EGFR: variants seen among roughly 807,000 people sequenced by gnomAD.
EGFR encodes the protein epidermal growth factor receptor.
In EGFR, 58 loss-of-function variants were observed where a neutral mutation model predicts 143.0. The ratio of observed to expected loss-of-function variants is 0.41; its 90% confidence interval spans 0.33 to 0.50. The LOEUF is 0.50. Among genes scored for constraint, EGFR ranks in the 20% least tolerant of loss-of-function variants. The pLI, the probability that EGFR is intolerant of heterozygous loss-of-function variation, is 0.39. For missense variants in EGFR, 1,307 were observed against 1,579.0 expected (o/e 0.83, Z 2.92); for synonymous variants, 613 against 594.4 (o/e 1.03, Z -0.45).
At position 55,101,964 on chromosome 7, in the gene EGFR, C is replaced by A. The variant is rs528536364; in HGVS notation, c.89-40322C>A. ...GTGAGGGGAAGAGGTTGTGCTATGT[C>A]GGGAAACTCTGTATCGAAGCTCGGC... On this transcript the variant is annotated intron_variant, in intron 1 of 27. Transcript: ENST00000275493. 1.4e-4 allele frequency among the ~76,000 whole-genome samples: 22 copies of A among 152,270 alleles called. No individual in the cohort carries two copies. The East Asian group carries it at 3.9e-3, about 27-fold the overall frequency.
chr7:55,111,823 T>C (rs1478195953), intron 1 of EGFR, among the ~76,000 whole-genome samples: 1 of 152,254 alleles, frequency 6.6e-6, no homozygotes, highest in African/African-American at 2.4e-5. Flanking sequence ...TGCCAATTAA[T>C]GGAGACCTTT....
In EGFR at chr7:55,187,887, G is replaced by A. The variant is rs1787212321; in HGVS notation, c.2470-3832G>A. ...GGAGAACACCATCATTTGTACAGGG[G>A]GATCCTGGAAGATGAGGCCTGAGAA... is the stretch of plus-strand genomic sequence containing the variant. On this transcript the variant is annotated intron_variant, in intron 20 of 27. Transcript: ENST00000275493. Among the ~76,000 whole-genome samples, 6 of 152,242 alleles carry A rather than the reference G, an allele frequency of 3.9e-5. No individual in the cohort carries two copies. The South Asian group carries it at 1.2e-3, about 32-fold the overall frequency.
chr7:55,028,846 C>G (rs1463895553), intron 1 of EGFR, among the ~76,000 whole-genome samples: 2 of 152,158 alleles, frequency 1.3e-5, no homozygotes, highest in African/African-American at 4.8e-5. Flanking sequence ...TTGATTAAGT[C>G]CAAACATATG....
Position 55,028,003 on chromosome 7 carries a change from T to A in EGFR, c.88+8638T>A, listed in dbSNP as rs1383168978. The stretch of plus-strand genomic sequence containing the variant: ...AAAAAAAAAAAAAAATATATATATA[T>A]ATATATATATATATATATATATACA... On this transcript the variant is annotated intron_variant, in intron 1 of 27. Transcript: ENST00000275493. Among the ~76,000 whole-genome samples, 413 of 112,844 alleles carry A rather than the reference T, an allele frequency of 3.7e-3. 3 individuals carry two copies. Among genetic ancestry groups the A allele is most frequent in the African/African-American group, 0.018 (396 of 22,204 alleles). 74.0% of individuals were successfully genotyped at this position (112,844 alleles called of 152,430 possible).
chr7:55,197,573 C>A (rs1237291015), intron 22 of EGFR, among the ~76,000 whole-genome samples: 2 of 152,158 alleles, frequency 1.3e-5, no homozygotes, highest in Non-Finnish European at 2.9e-5. Context: ...GAGAGGGAAT[C>A]CTTGTCTTGT....
At chr7:55,151,491 C>A (rs1350072116) in intron 5 of EGFR, 129 bp downstream of exon 5, 2 of 974,818 alleles carry the variant, frequency 2.1e-6, no homozygotes, top group Non-Finnish European at 1.6e-6. Context: ...AGATGTGAAC[C>A]AGTAGGTGAA....
chr7:55,031,811 C>G (rs920298263), intron 1 of EGFR, among the ~76,000 whole-genome samples: 1 of 152,166 alleles, frequency 6.6e-6, no homozygotes, highest in African/African-American at 2.4e-5. Context: ...TTATATTCTT[C>G]GGGGTTTTTT....
chr7:55,032,266 A>G (rs1340202840), intron 1 of EGFR, among the ~76,000 whole-genome samples: 1 of 152,202 alleles, frequency 6.6e-6, no homozygotes, highest in Non-Finnish European at 1.5e-5. Flanking sequence ...AAACATACCA[A>G]TTCAGTGGTA....
intron 3 of EGFR, among the ~76,000 whole-genome samples, chr7:55,144,440 C>T (rs1018008192): frequency 4.6e-5 from 7 of 152,362 alleles, no homozygotes; most frequent in Non-Finnish European, 8.8e-5. Context: ...GGGCGCTCAA[C>T]GCCCCTCCTG....
Position 55,211,597 on chromosome 7 carries a change from T to TACA in EGFR, c.*5981_*5982insCAA, listed in dbSNP as rs1788237498. 6.6e-6 allele frequency: 1 copy of TACA among 152,020 alleles called. No homozygotes were observed. The highest frequency in any genetic ancestry group is 1.5e-5 in the Non-Finnish European group (1 of 68,012). The allele number at this position is 152,020 out of a possible 1,614,324, so 9.4% of individuals were successfully genotyped here. A position where few individuals can be genotyped will look rare whatever the true frequency, so the allele number is the denominator to read the frequency against. The stretch of plus-strand genomic sequence containing the variant: ...CATTGTTCTTTACTCCTGAGTACCT[T>TACA]ATAATAATAATAATGTATTCTTTGT... On this transcript the variant is annotated 3_prime_UTR_variant, in exon 28 of 28. Transcript: ENST00000275493.
chr7:55,023,339 G>A (rs1395348952), intron 1 of EGFR, among the ~76,000 whole-genome samples: 5 of 152,122 alleles, frequency 3.3e-5, no homozygotes, highest in East Asian at 1.9e-4. Flanking sequence ...TTGCTTCCCT[G>A]TAAATATAAT....
chr7:55,058,334 C>T (rs563879485), intron 1 of EGFR, among the ~76,000 whole-genome samples: 1 of 151,902 alleles, frequency 6.6e-6, no homozygotes, highest in South Asian at 2.1e-4. Flanking sequence ...GCGGAGTTTG[C>T]AGTGAACAGA....
chr7:55,094,493 T>C (rs775271586), intron 1 of EGFR, among the ~76,000 whole-genome samples: 1 of 152,220 alleles, frequency 6.6e-6, no homozygotes, highest in Non-Finnish European at 1.5e-5. Flanking sequence ...TCCACAGATT[T>C]TTGGAGAGTC....
intron 1 of EGFR, among the ~76,000 whole-genome samples, chr7:55,020,052 C>G (rs1361300676): frequency 6.6e-6 from 1 of 152,226 alleles, no homozygotes; most frequent in Non-Finnish European, 1.5e-5. Flanking sequence ...GCTGGGAGAA[C>G]TCGTCTACCA....
chr7:55,094,591 A>G (rs1359264976), intron 1 of EGFR, among the ~76,000 whole-genome samples: 2 of 152,258 alleles, frequency 1.3e-5, no homozygotes, highest in African/African-American at 4.8e-5. Flanking sequence ...AGTGAAAACA[A>G]GAAGAGGAAT....
intron 1 of EGFR, among the ~76,000 whole-genome samples, chr7:55,051,319 T>C (rs1327997030): frequency 1.3e-5 from 2 of 152,034 alleles, no homozygotes; most frequent in Non-Finnish European, 2.9e-5. Flanking sequence ...CCAAATGCAA[T>C]AGTGTTAGGA....
intron 1 of EGFR, among the ~76,000 whole-genome samples, chr7:55,020,440 A>G (rs1353178347): frequency 6.6e-6 from 1 of 152,182 alleles, no homozygotes; most frequent in African/African-American, 2.4e-5. Context: ...GGCCAACACC[A>G]TGGTGTTTCA....
intron 1 of EGFR, among the ~76,000 whole-genome samples, chr7:55,024,393 G>C (rs1168033412): frequency 6.6e-6 from 1 of 152,158 alleles, no homozygotes; most frequent in African/African-American, 2.4e-5. Flanking sequence ...TTCTCTCTCT[G>C]ATCCAAGTTT....
At chr7:55,118,945 A>C (rs756223556) in intron 1 of EGFR, 5 of 152,192 alleles carry the variant, frequency 3.3e-5, no homozygotes, top group Admixed American at 6.5e-5. Flanking sequence ...TTTTAAAAAC[A>C]TTTTTATTAA....
Sources: gnomAD v4.1 joint callset for allele counts (sites outside exome capture counted in the v4.1 genomes callset) on GRCh38, gnomAD v4.1.1 for gene constraint, MANE v1.5 for transcripts, NCBI Gene and HGNC (gene_info 2026-07-23, HGNC 2026-07-21) for gene names.